Variants in ANK1 observed in about 807,000 individuals in gnomAD.
The protein encoded by ANK1 is ankyrin 1.
A neutral mutation model predicts 210.4 loss-of-function variants in ANK1; 51 were observed. The ratio of observed to expected loss-of-function variants is 0.24; its 90% confidence interval spans 0.19 to 0.31. ANK1 has a LOEUF of 0.31. Among genes scored for constraint, ANK1 ranks in the 10% least tolerant of loss-of-function variants. The pLI is 1.00. For missense variants in ANK1, 2,051 were observed against 2,504.4 expected (o/e 0.82, Z 3.86); for synonymous variants, 967 against 1,025.9 (o/e 0.94, Z 1.10).
At chr8:41,849,590 T>C (rs1287701505) in intron 1 of ANK1, among the ~76,000 whole-genome samples, 1 of 152,036 alleles carries the variant, frequency 6.6e-6, no homozygotes, top group Non-Finnish European at 1.5e-5. Context: ...GGTAACCCCC[T>C]TGAAGGCAAA....
At chr8:41,742,968 A>G (rs1835152215) in intron 2 of ANK1, among the ~76,000 whole-genome samples, 1 of 152,140 alleles carries the variant, frequency 6.6e-6, no homozygotes, top group African/African-American at 2.4e-5. Flanking sequence ...TTCCTATTCA[A>G]TTTGGATTCT....
At chr8:41,825,771 T>C (rs1297455929) in intron 1 of ANK1, among the ~76,000 whole-genome samples, 1 of 152,154 alleles carries the variant, frequency 6.6e-6, no homozygotes, top group African/African-American at 2.4e-5. Context: ...TTCTTTCCCA[T>C]GCTGTTCTTG....
intron 27 of ANK1, 39 bp downstream of exon 27, chr8:41,695,138 G>A (rs375678778): frequency 6.6e-5 from 107 of 1,612,758 alleles, no homozygotes; most frequent in African/African-American, 4.5e-4. Flanking sequence ...CCCCTCTTCC[G>A]CAAGGAGGGG....
chr8:41,700,421 C>G (rs773191714), intron 22 of ANK1: 7 of 1,613,008 alleles, frequency 4.3e-6, no homozygotes, highest in Non-Finnish European at 5.9e-6. Flanking sequence ...AAACAGAAAG[C>G]ATTTCATACC....
chr8:41,782,347 G>A (rs773180435), intron 1 of ANK1, among the ~76,000 whole-genome samples: 1 of 152,208 alleles, frequency 6.6e-6, no homozygotes, highest in Non-Finnish European at 1.5e-5. Flanking sequence ...GGCATTTCTT[G>A]GGTGGGTATT....
chr8:41,690,908 AAAC>A (rs201607805), intron 31 of ANK1, among the ~76,000 whole-genome samples: 20 of 152,116 alleles, frequency 1.3e-4, no homozygotes, highest in South Asian at 4.2e-4. Context: ...TAGCTTCTGA[AAAC>A]AACAACAACA....
upstream of ANK1, among the ~76,000 whole-genome samples, chr8:41,801,614 A>T (rs556167263): frequency 6.6e-6 from 1 of 152,314 alleles, no homozygotes; most frequent in South Asian, 2.1e-4. Flanking sequence ...ATGATTACTA[A>T]TGAGGTTGAG....
At chr8:41,742,090 A>G (rs972552770) in intron 2 of ANK1, among the ~76,000 whole-genome samples, 5 of 152,244 alleles carry the variant, frequency 3.3e-5, no homozygotes, top group African/African-American at 4.8e-5. Context: ...ATTTTTAAGA[A>G]GAAGAAGAAA....
intron 1 of ANK1, among the ~76,000 whole-genome samples, chr8:41,846,775 T>C (rs1255524921): frequency 1.3e-5 from 2 of 152,148 alleles, no homozygotes; most frequent in Non-Finnish European, 2.9e-5. Context: ...ACGGCCCTCA[T>C]CTGGACCCCT....
chr8:41,695,532 C>T (rs1228498715), intron 26 of ANK1, among the ~76,000 whole-genome samples: 2 of 152,306 alleles, frequency 1.3e-5, no homozygotes, highest in East Asian at 3.9e-4. Context: ...GCTTGCTCCC[C>T]GCCAGGCCTG....
chr8:41,782,657 T>C (rs1331404203), intron 1 of ANK1, among the ~76,000 whole-genome samples: 1 of 152,212 alleles, frequency 6.6e-6, no homozygotes, highest in Non-Finnish European at 1.5e-5. Context: ...TCTCGCTGAA[T>C]TGAATTCTAA....
chr8:41,661,822 A>G (rs1808348225), intron 41 of ANK1, 54 bp downstream of exon 41: 1 of 1,613,902 alleles, frequency 6.2e-7, no homozygotes, highest in Non-Finnish European at 8.5e-7. Context: ...TCATAAAGTA[A>G]TCAATATCGA....
At chr8:41,803,090 A>AAGGAAGGAAGGAAGGGAAGGGAAGGG in intron 1 of ANK1, among the ~76,000 whole-genome samples, 1 of 24,942 alleles carries the variant, frequency 4.0e-5, no homozygotes, top group South Asian at 1.9e-3. Flanking sequence ...GAAGGGAAGG[A>AAGGAAGGAAGGAAGGGAAGGGAAGGG]AAGGAAAGGA....
intron 1 of ANK1, among the ~76,000 whole-genome samples, chr8:41,760,415 C>T: frequency 6.6e-6 from 1 of 152,194 alleles, no homozygotes; most frequent in African/African-American, 2.4e-5. Flanking sequence ...TTTGCTCTTC[C>T]TTCATCTTCT....
At chr8:41,715,156 A>C (rs1586378327) in intron 14 of ANK1, 82 bp from the exon 15 acceptor site, 1 of 1,293,670 alleles carries the variant, frequency 7.7e-7, no homozygotes, top group Non-Finnish European at 1.1e-6. Flanking sequence ...AGGAGGCTGC[A>C]CCTCCGCTGG....
At chr8:41,871,638 A>T (rs1489663772) in intron 1 of ANK1, among the ~76,000 whole-genome samples, 1 of 152,200 alleles carries the variant, frequency 6.6e-6, no homozygotes, top group Admixed American at 6.5e-5. Flanking sequence ...GCTCTCCCAC[A>T]GTCCACCAAA....
intron 1 of ANK1, among the ~76,000 whole-genome samples, chr8:41,779,951 G>C (rs763338176): frequency 5.9e-5 from 9 of 152,242 alleles, no homozygotes; most frequent in Non-Finnish European, 1.3e-4. Context: ...ATCTGGCTGG[G>C]AAAGCCATGA....
intron 1 of ANK1, among the ~76,000 whole-genome samples, chr8:41,803,005 GAAA>G (rs1850203935): frequency 1.3e-5 from 1 of 77,320 alleles, no homozygotes; most frequent in Non-Finnish European, 2.5e-5. Flanking sequence ...GAGAAAGAAA[GAAA>G]GAAAGAAAGA....
chr8:41,870,190 C>G (rs1269576707), intron 1 of ANK1, among the ~76,000 whole-genome samples: 2 of 151,946 alleles, frequency 1.3e-5, no homozygotes, highest in Non-Finnish European at 2.9e-5. Context: ...AGAGATCCAG[C>G]AGAGAACGCC....
Sources: gnomAD v4.1 joint callset for allele counts (sites outside exome capture counted in the v4.1 genomes callset) on GRCh38, gnomAD v4.1.1 for gene constraint, MANE v1.5 for transcripts, NCBI Gene and HGNC (gene_info 2026-07-23, HGNC 2026-07-21) for gene names.